Variants in HTR1F observed in about 807,000 individuals in gnomAD.
HTR1F encodes the protein 5-hydroxytryptamine (serotonin) receptor 1F, G protein-coupled.
HTR1F carries 17 observed loss-of-function variants against 24.0 expected under a neutral mutation model. The ratio of observed to expected loss-of-function variants is 0.71; its 90% CI spans 0.48 to 1.06. The LOEUF (loss-of-function observed/expected upper bound fraction) is 1.06. Among genes scored for constraint, HTR1F ranks in the 50% least tolerant of loss-of-function variants. The pLI, the probability that HTR1F is intolerant of heterozygous loss-of-function variation, is 0.00. For missense variants in HTR1F, 391 were observed against 427.8 expected (o/e 0.91, Z 0.76); for synonymous variants, 186 against 156.8 (o/e 1.19, Z -1.39).
chr3:87,974,304 C>A (rs772451604), intron 2 of HTR1F, among the ~76,000 whole-genome samples: 7 of 152,122 alleles, frequency 4.6e-5, no homozygotes. Flanking sequence ...TTTTAAAATC[C>A]GCCAAGATTT....
At chr3:87,860,518 A>T (rs1445403326) in intron 2 of HTR1F, among the ~76,000 whole-genome samples, 1 of 152,142 alleles carries the variant, frequency 6.6e-6, no homozygotes, top group Non-Finnish European at 1.5e-5. Context: ...ATGAATTGTT[A>T]TTATTTTCTA....
intron 2 of HTR1F, among the ~76,000 whole-genome samples, chr3:87,919,925 T>G (rs1226771095): frequency 6.6e-6 from 1 of 151,728 alleles, no homozygotes; most frequent in Non-Finnish European, 1.5e-5. Flanking sequence ...ACATGCATGT[T>G]TATAGCAGCA....
chr3:87,840,042 C>T (rs960546256), intron 2 of HTR1F, among the ~76,000 whole-genome samples: 1 of 152,108 alleles, frequency 6.6e-6, no homozygotes, highest in Non-Finnish European at 1.5e-5. Flanking sequence ...TGATTCCATG[C>T]CTTCACTATT....
At chr3:87,901,140 A>G (rs928328888) in intron 2 of HTR1F, among the ~76,000 whole-genome samples, 2 of 152,214 alleles carry the variant, frequency 1.3e-5, no homozygotes, top group Admixed American at 6.6e-5. Flanking sequence ...TACTGGCTCA[A>G]TTAAACATCT....
At chr3:87,932,100 T>A (rs1399122586) in intron 2 of HTR1F, among the ~76,000 whole-genome samples, 3 of 152,204 alleles carry the variant, frequency 2.0e-5, no homozygotes, top group Non-Finnish European at 1.5e-5. Flanking sequence ...TTTGGTGTTT[T>A]AGACATGAAG....
chr3:87,899,725 C>CA (rs1344541868), intron 2 of HTR1F, among the ~76,000 whole-genome samples: 5 of 152,034 alleles, frequency 3.3e-5, no homozygotes, highest in African/African-American at 1.2e-4. Context: ...TTTAGACAGG[C>CA]ATAATGGCTT....
chr3:87,931,598 G>C (rs887967981), intron 2 of HTR1F, among the ~76,000 whole-genome samples: 13 of 152,112 alleles, frequency 8.5e-5, no homozygotes, highest in Non-Finnish European at 1.8e-4. Flanking sequence ...GGTATATCTA[G>C]TTCTAGATCC....
At chr3:87,933,631 G>A (rs138503435) in intron 2 of HTR1F, among the ~76,000 whole-genome samples, 17,089 of 152,170 alleles carry the variant, frequency 0.11, 1,187 homozygotes, top group Non-Finnish European at 0.16. Flanking sequence ...AAAATACTTA[G>A]GAATCCAACT....
chr3:87,880,344 T>G (rs1037526436), intron 2 of HTR1F, among the ~76,000 whole-genome samples: 2 of 152,146 alleles, frequency 1.3e-5, no homozygotes, highest in Non-Finnish European at 2.9e-5. Context: ...CAATAAAATT[T>G]TTTAAAGATA....
chr3:87,800,155 T>C (rs1703969469), intron 1 of HTR1F, among the ~76,000 whole-genome samples: 1 of 152,160 alleles, frequency 6.6e-6, no homozygotes, highest in Non-Finnish European at 1.5e-5. Flanking sequence ...CCAAATTAAC[T>C]TTAGGTATTA....
chr3:87,879,375 T>C (rs1286767984), intron 2 of HTR1F, among the ~76,000 whole-genome samples: 1 of 152,214 alleles, frequency 6.6e-6, no homozygotes, highest in Non-Finnish European at 1.5e-5. Flanking sequence ...AGATATTAAA[T>C]GTCATTAATG....
intron 1 of HTR1F, among the ~76,000 whole-genome samples, chr3:87,812,703 C>G (rs1443728096): frequency 2.0e-5 from 3 of 152,090 alleles, no homozygotes; most frequent in African/African-American, 7.2e-5. Context: ...GGTCTAGAGA[C>G]CTAGGAGGGA....
intron 2 of HTR1F, among the ~76,000 whole-genome samples, chr3:87,969,754 G>C (rs1260089721): frequency 6.6e-6 from 1 of 152,128 alleles, no homozygotes; most frequent in African/African-American, 2.4e-5. Context: ...CATGAGATTG[G>C]GAGGGGCCAG....
chr3:87,912,347 G>C (rs1164628007), intron 2 of HTR1F, among the ~76,000 whole-genome samples: 1 of 151,948 alleles, frequency 6.6e-6, no homozygotes, highest in African/African-American at 2.4e-5. Flanking sequence ...AAAATACCCA[G>C]GAATACAGCT....
At chr3:87,923,800 G>A (rs1704064036) in intron 2 of HTR1F, among the ~76,000 whole-genome samples, 2 of 151,778 alleles carry the variant, frequency 1.3e-5, no homozygotes, top group African/African-American at 4.8e-5. Flanking sequence ...CACATTTATT[G>A]ATTTGCATGT....
chr3:87,959,033 A>G (rs1705005069), intron 2 of HTR1F, among the ~76,000 whole-genome samples: 1 of 151,760 alleles, frequency 6.6e-6, no homozygotes, highest in African/African-American at 2.4e-5. Flanking sequence ...ATGTCTAAGT[A>G]TAAACTTATT....
At chr3:87,837,048 G>C (rs931476047) in intron 2 of HTR1F, among the ~76,000 whole-genome samples, 1 of 151,974 alleles carries the variant, frequency 6.6e-6, no homozygotes, top group African/African-American at 2.4e-5. Context: ...TGTTTGCAAA[G>C]AATTCAGAAG....
At chr3:87,929,916 T>C (rs111291651) in intron 2 of HTR1F, among the ~76,000 whole-genome samples, 4,881 of 152,294 alleles carry the variant, frequency 0.032, 238 homozygotes, top group African/African-American at 0.11. Flanking sequence ...ATAATACTGA[T>C]TCTTTCTACC....
At chr3:87,931,747 G>T (rs932034934) in intron 2 of HTR1F, among the ~76,000 whole-genome samples, 1 of 151,572 alleles carries the variant, frequency 6.6e-6, no homozygotes, top group Non-Finnish European at 1.5e-5. Context: ...ATTCTAACTG[G>T]TGTGAGATGG....
Sources: gnomAD v4.1 joint callset for allele counts (sites outside exome capture counted in the v4.1 genomes callset) on GRCh38, gnomAD v4.1.1 for gene constraint, MANE v1.5 for transcripts, NCBI Gene and HGNC (gene_info 2026-07-23, HGNC 2026-07-21) for gene names.